Variants in B3GALT1 observed in about 807,000 individuals in gnomAD.
B3GALT1 encodes beta-1,3-galactosyltransferase 1.
Under a neutral mutation model 23.2 loss-of-function variants are expected in B3GALT1, and 10 were observed. That is an observed-to-expected ratio of 0.43 (90% CI 0.27 to 0.73). The LOEUF (loss-of-function observed/expected upper bound fraction) is 0.73. Ranked by LOEUF, B3GALT1 falls within the 30% of genes least tolerant of loss-of-function variation. B3GALT1 has a pLI of 0.21. For missense variants in B3GALT1, 299 were observed against 405.4 expected (o/e 0.74, Z 2.25); for synonymous variants, 156 against 141.5 (o/e 1.10, Z -0.73).
At chr2:167,705,850 C>T (rs1465257628) in intron 3 of B3GALT1, among the ~76,000 whole-genome samples, 1 of 152,180 alleles carries the variant, frequency 6.6e-6, no homozygotes, top group Non-Finnish European at 1.5e-5. Flanking sequence ...TATTCACTTT[C>T]TCAGTCACAC....
At chr2:167,780,152 A>G (rs993101483) in intron 3 of B3GALT1, among the ~76,000 whole-genome samples, 1 of 152,220 alleles carries the variant, frequency 6.6e-6, no homozygotes, top group African/African-American at 2.4e-5. Context: ...GCCTCAAGAC[A>G]GTGATTCAAG....
rs117359787 is a variant in B3GALT1 at position 167,422,795 on chromosome 2, G to C, written c.-510-67382G>C. On this transcript the variant is annotated intron_variant, in intron 1 of 4. Coordinates refer to ENST00000392690, the MANE Select transcript of B3GALT1 (RefSeq NM_020981.4). Reference sequence around the variant, plus strand: ...GGACAGAGGTGCATTTTTTTCCTGAGCCTTATGTGGACTCCACAGAAGGGA... The same window carrying C: ...GGACAGAGGTGCATTTTTTTCCTGACCCTTATGTGGACTCCACAGAAGGGA... Among the ~76,000 whole-genome samples the C allele has an allele frequency of 4.7e-3, 716 of 152,166 alleles. 6 individuals are homozygous for C. Among genetic ancestry groups the C allele is most frequent in the East Asian group, 0.018 (91 of 5,158 alleles).
At chr2:167,705,445 C>G (rs1686953240) in intron 3 of B3GALT1, among the ~76,000 whole-genome samples, 1 of 152,092 alleles carries the variant, frequency 6.6e-6, no homozygotes, top group African/African-American at 2.4e-5. Flanking sequence ...CTTGGGGAAC[C>G]TTATAAGAAG....
At chr2:167,588,862 C>CTTCT (rs1445664291) in intron 2 of B3GALT1, among the ~76,000 whole-genome samples, 1 of 134,588 alleles carries the variant, frequency 7.4e-6, no homozygotes, top group Non-Finnish European at 1.6e-5. Context: ...TCCTTCCTTC[C>CTTCT]TTCTTTCCTT....
At chr2:167,497,194 C>A (rs550034697) in intron 2 of B3GALT1, among the ~76,000 whole-genome samples, 4 of 152,168 alleles carry the variant, frequency 2.6e-5, no homozygotes, top group Non-Finnish European at 4.4e-5. Context: ...GAATTTAGAA[C>A]TGTTGTACAA....
At chr2:167,351,271 AAAAAAAAAAAAACG>A (rs1007932627) in intron 1 of B3GALT1, among the ~76,000 whole-genome samples, 18 of 149,734 alleles carry the variant, frequency 1.2e-4, no homozygotes, top group African/African-American at 4.5e-4. Flanking sequence ...TCCGTCTCAA[AAAAAAAAAAAAACG>A]AAAACAAAAA....
At chr2:167,404,681 G>A (rs1406611685) in intron 1 of B3GALT1, among the ~76,000 whole-genome samples, 2 of 152,162 alleles carry the variant, frequency 1.3e-5, no homozygotes, top group African/African-American at 4.8e-5. Flanking sequence ...ATTCAGTACA[G>A]TTTGCTTGAA....
chr2:167,846,960 TATATC>T (rs1206790399), intron 4 of B3GALT1, among the ~76,000 whole-genome samples: 1 of 152,156 alleles, frequency 6.6e-6, no homozygotes, highest in Non-Finnish European at 1.5e-5. Context: ...TAGCTATTCT[TATATC>T]AGACAAAACA....
intron 3 of B3GALT1, among the ~76,000 whole-genome samples, chr2:167,775,017 C>A (rs745700787): frequency 3.9e-5 from 6 of 152,166 alleles, no homozygotes; most frequent in Non-Finnish European, 8.8e-5. Flanking sequence ...CCATGTGTAA[C>A]TTGTAGCAGT....
chr2:167,759,564 G>A (rs1687868943), intron 3 of B3GALT1, among the ~76,000 whole-genome samples: 1 of 152,082 alleles, frequency 6.6e-6, no homozygotes, highest in South Asian at 2.1e-4. Flanking sequence ...TGCCATGGAA[G>A]GAAAAAAAGA....
chr2:167,383,828 T>A (rs542081293), intron 1 of B3GALT1, among the ~76,000 whole-genome samples: 1 of 152,328 alleles, frequency 6.6e-6, no homozygotes, highest in Non-Finnish European at 1.5e-5. Flanking sequence ...ATTGACATTG[T>A]CAAAGTTTTT....
intron 1 of B3GALT1, among the ~76,000 whole-genome samples, chr2:167,400,221 G>C (rs998737280): frequency 5.2e-5 from 5 of 96,822 alleles, no homozygotes; most frequent in Admixed American, 2.3e-4. Context: ...TGTTAGAACA[G>C]GCCTTTCCTC....
intron 3 of B3GALT1, among the ~76,000 whole-genome samples, chr2:167,669,362 CA>C (rs1268607102): frequency 1.3e-5 from 2 of 152,110 alleles, no homozygotes; most frequent in African/African-American, 4.8e-5. Context: ...CTTGAAGTTT[CA>C]AGATATCTTG....
intron 2 of B3GALT1, among the ~76,000 whole-genome samples, chr2:167,630,918 C>G (rs935332518): frequency 2.7e-5 from 4 of 149,410 alleles, no homozygotes; most frequent in Non-Finnish European, 5.9e-5. Flanking sequence ...CTCCTTCATT[C>G]CTGCCTTCTT....
At chr2:167,776,584 CGAG>C (rs1201324803) in intron 3 of B3GALT1, among the ~76,000 whole-genome samples, 1 of 149,906 alleles carries the variant, frequency 6.7e-6, no homozygotes, top group East Asian at 2.0e-4. Context: ...TGTGGACTAA[CGAG>C]GAGTGGACAG....
chr2:167,296,576 ACTAAT>A (rs1696352970), intron 1 of B3GALT1, among the ~76,000 whole-genome samples: 1 of 152,178 alleles, frequency 6.6e-6, no homozygotes, highest in African/African-American at 2.4e-5. Context: ...AAACAAATTG[ACTAAT>A]CTATTCTGAA....
chr2:167,682,400 A>G (rs934589433), intron 3 of B3GALT1, among the ~76,000 whole-genome samples: 1 of 152,208 alleles, frequency 6.6e-6, no homozygotes, highest in Non-Finnish European at 1.5e-5. Context: ...CCATGTTATC[A>G]CAATGGTCCC....
At chr2:167,855,097 T>C (rs910013486) in intron 4 of B3GALT1, among the ~76,000 whole-genome samples, 13 of 152,268 alleles carry the variant, frequency 8.5e-5, no homozygotes, top group South Asian at 4.1e-4. Context: ...GCAGTTTTCA[T>C]TTAAAAATAC....
At chr2:167,582,469 C>T (rs1236077747) in intron 2 of B3GALT1, among the ~76,000 whole-genome samples, 1 of 152,210 alleles carries the variant, frequency 6.6e-6, no homozygotes, top group East Asian at 1.9e-4. Flanking sequence ...TTATGTCTTT[C>T]ACTAGCTTCC....
Sources: allele counts gnomAD v4.1 joint callset (sites outside exome capture counted in the v4.1 genomes callset), GRCh38; gene constraint gnomAD v4.1.1; transcripts MANE v1.5; gene names NCBI Gene and HGNC (gene_info 2026-07-23, HGNC 2026-07-21).